Variants in TMTC4 observed in about 807,000 individuals in gnomAD.
TMTC4 encodes transmembrane O-mannosyltransferase targeting cadherins 4.
Under a neutral mutation model 86.0 loss-of-function variants are expected in TMTC4, and 65 were observed. The observed-to-expected ratio is 0.76, with a 90% CI of 0.62 to 0.93. TMTC4 has a LOEUF of 0.93. Ranked by LOEUF, TMTC4 falls within the 40% of genes least tolerant of loss-of-function variation. The pLI is 0.00. For synonymous variants in TMTC4, 379 were observed against 382.5 expected (o/e 0.99, Z 0.11); for missense variants, 866 against 948.1 (o/e 0.91, Z 1.14).
chr13:100,610,854 A>AG (rs371984749), intron 17 of TMTC4, among the ~76,000 whole-genome samples: 231 of 152,358 alleles, frequency 1.5e-3, no homozygotes, highest in African/African-American at 5.2e-3. Context: ...GACCTGTCCC[A>AG]GGCTGACAGA....
At position 100,663,786 on chromosome 13, in the gene TMTC4, T is replaced by C. The variant is rs570830527; in HGVS notation, c.335+435A>G. ...TGGACGAGAACCTTTGTGAGGTAAATGCATCTATTAAGTGCAAGTGGCTCC... is the reference window on the plus strand; with the variant it reads ...TGGACGAGAACCTTTGTGAGGTAAACGCATCTATTAAGTGCAAGTGGCTCC... On this transcript the variant is annotated intron_variant, in intron 4 of 18. Transcript: ENST00000342624. 1.1e-3 allele frequency among the ~76,000 whole-genome samples: 171 copies of C among 152,312 alleles called. 1 individual carries two copies. The highest frequency in any genetic ancestry group is 4.0e-3 in the African/African-American group (167 of 41,572).
At chr13:100,653,987 G>A (rs1454058888) in intron 6 of TMTC4, among the ~76,000 whole-genome samples, 4 of 152,236 alleles carry the variant, frequency 2.6e-5, no homozygotes, top group Non-Finnish European at 4.4e-5. Flanking sequence ...GACCACTCTG[G>A]TGGTGACTCC....
intron 6 of TMTC4, among the ~76,000 whole-genome samples, chr13:100,655,633 C>A (rs1770365): frequency 0.72 from 108,767 of 152,066 alleles, 39,925 homozygotes; most frequent in East Asian, 0.99. Context: ...GAAGAGACTG[C>A]AGTGCATTAT....
At chr13:100,643,756 T>C (rs1204541053) in intron 6 of TMTC4, among the ~76,000 whole-genome samples, 2 of 152,188 alleles carry the variant, frequency 1.3e-5, no homozygotes, top group African/African-American at 4.8e-5. Context: ...ACAGAAATCA[T>C]TTAATTAATG....
chr13:100,673,502 C>T (rs946650913), intron 1 of TMTC4, among the ~76,000 whole-genome samples: 4 of 152,222 alleles, frequency 2.6e-5, no homozygotes, highest in Non-Finnish European at 1.5e-5. Flanking sequence ...AGAACACAAT[C>T]GTTTGTGACC....
At chr13:100,663,353 T>C (rs1566640593) in intron 4 of TMTC4, among the ~76,000 whole-genome samples, 173 bp from the exon 5 acceptor site, 2 of 152,026 alleles carry the variant, frequency 1.3e-5, no homozygotes. Flanking sequence ...GCTAAGAAGG[T>C]TGTGGAAAAG....
At chr13:100,649,504 T>C (rs1384292714) in intron 6 of TMTC4, among the ~76,000 whole-genome samples, 1 of 152,206 alleles carries the variant, frequency 6.6e-6, no homozygotes, top group Non-Finnish European at 1.5e-5. Context: ...AGACAGGTAA[T>C]AGTAGGCCAC....
At chr13:100,670,612 T>G (rs1289966789) in intron 1 of TMTC4, 43 bp from the exon 2 acceptor site, 7 of 443,254 alleles carry the variant, frequency 1.6e-5, no homozygotes, top group African/African-American at 1.4e-4. Context: ...CCAACCTCTA[T>G]GCTTACATTT....
chr13:100,665,204 A>T (rs1343658453), intron 3 of TMTC4, among the ~76,000 whole-genome samples: 2 of 152,336 alleles, frequency 1.3e-5, no homozygotes, highest in African/African-American at 4.8e-5. Flanking sequence ...CAAAAGATGA[A>T]AGTAGATGGC....
At chr13:100,635,469 G>A (rs1328947467) in intron 10 of TMTC4, among the ~76,000 whole-genome samples, 1 of 152,050 alleles carries the variant, frequency 6.6e-6, no homozygotes, top group African/African-American at 2.4e-5. Flanking sequence ...TAGCATGATC[G>A]CATTTCTGAG....
Position 100,663,076 on chromosome 13 carries a change from A to G in TMTC4, c.440T>C (p.Val147Ala). ...ISVLMVDVFS[V>A]LFGGLQYTSK... The stretch of plus-strand genomic sequence containing the variant: ...GGTGTACTGCAGGCCGCCAAACAGA[A>G]CCGAGAAGACGTCCACCATGAGGAC... Residue 147 changes from valine to alanine, a missense_variant, in exon 5 of 19, where the codon GTT (valine) becomes GCT (alanine). Transcript: ENST00000342624. The G allele has an allele frequency of 6.2e-7, 1 of 1,614,204 alleles. No individual in the cohort carries two copies. The highest frequency in any genetic ancestry group is 2.2e-5 in the East Asian group (1 of 44,870).
chr13:100,625,466 G>C, intron 15 of TMTC4, 69 bp downstream of exon 15: 1 of 1,591,546 alleles, frequency 6.3e-7, no homozygotes, highest in South Asian at 1.1e-5. Flanking sequence ...GTGTCACTAT[G>C]TCATTTTATT....
chr13:100,626,013 A>G, intron 13 of TMTC4, 58 bp downstream of exon 13: 1 of 1,607,706 alleles, frequency 6.2e-7, no homozygotes, highest in South Asian at 1.1e-5. Flanking sequence ...GGTGTTTCAT[A>G]TTAGAAAGTG....
At position 100,638,073 on chromosome 13, in the gene TMTC4, G is replaced by T. The variant is rs762203019; in HGVS notation, c.742-51C>A. ...GCCACGGGAGAGCTTGGCTGTGTTA[G>T]GCAGCAATTACACTTCACAATTTCA... is the stretch of plus-strand genomic sequence containing the variant. On this transcript the variant is annotated intron_variant, in intron 7 of 18. Coordinates refer to ENST00000342624, the MANE Select transcript of TMTC4 (RefSeq NM_032813.5). The T allele has an allele frequency of 4.2e-6, 6 of 1,435,296 alleles. No homozygotes were observed. The African/African-American group carries it at 7.0e-5, about 17-fold the overall frequency. 88.9% of individuals were successfully genotyped at this position (1,435,296 alleles called of 1,614,324 possible). A position where few individuals can be genotyped will look rare whatever the true frequency, so the allele number is the denominator to read the frequency against.
At chr13:100,656,288 A>C in intron 6 of TMTC4, 93 bp downstream of exon 6, 1 of 1,091,606 alleles carries the variant, frequency 9.2e-7, no homozygotes, top group South Asian at 1.5e-5. Flanking sequence ...ACACACTCAC[A>C]TAGATGGATT....
chr13:100,627,563 TCTCCCTGTC>T (rs1880744919), intron 12 of TMTC4, among the ~76,000 whole-genome samples: 3 of 152,072 alleles, frequency 2.0e-5, no homozygotes, highest in Admixed American at 2.0e-4. Context: ...CTCTTGTCTG[TCTCCCTGTC>T]TCTTCTCCTG....
intron 4 of TMTC4, among the ~76,000 whole-genome samples, chr13:100,663,500 T>C (rs1462857258): frequency 6.6e-6 from 1 of 152,108 alleles, no homozygotes; most frequent in Non-Finnish European, 1.5e-5. Context: ...AAGGCTGCAA[T>C]CCAAGAAGAT....
chr13:100,644,543 G>A lies in TMTC4; in HGVS notation c.641-2232C>T, dbSNP rs948682984. Among the ~76,000 whole-genome samples the A allele has an allele frequency of 3.3e-5, 5 of 152,280 alleles. No homozygotes were observed. In the East Asian group the frequency reaches 9.7e-4, roughly 30 times the overall value. ...CTGATGTGCCCAACACTAGCAGCTT[G>A]CAGCTATACAGCTGGGCTGCTAGGA... On this transcript the variant is annotated intron_variant, in intron 6 of 18. Transcript: ENST00000342624.
intron 17 of TMTC4, 41 bp from the exon 18 acceptor site, chr13:100,606,468 C>T (rs1164485396): frequency 2.6e-6 from 4 of 1,553,562 alleles, no homozygotes; most frequent in East Asian, 4.5e-5. Flanking sequence ...ATTTATTGTA[C>T]ATGAAGCAAA....
Sources: allele counts gnomAD v4.1 joint callset (sites outside exome capture counted in the v4.1 genomes callset), GRCh38; gene constraint gnomAD v4.1.1; transcripts MANE v1.5; gene names NCBI Gene and HGNC (gene_info 2026-07-23, HGNC 2026-07-21).